Variants in PHF23 observed in about 807,000 individuals in gnomAD.
PHF23 encodes PHD finger protein 23, also known as PDH-containing protein JUNE-1.
A neutral mutation model predicts 36.0 loss-of-function variants in PHF23; 3 were observed. That is an observed-to-expected ratio of 0.08 (90% CI 0.04 to 0.22). The LOEUF (loss-of-function observed/expected upper bound fraction) is 0.22. PHF23 is among the 10% of genes least tolerant of loss of function. PHF23 has a pLI of 1.00. For synonymous variants in PHF23, 242 were observed against 192.5 expected, an observed-to-expected ratio of 1.26 and a Z score of -2.13; for missense variants, 475 against 513.6, an observed-to-expected ratio of 0.92 and a Z score of 0.73.
Position 7,236,524 on chromosome 17 carries a change from C to A in PHF23, c.403G>T (p.Asp135Tyr). ...GGCCCATCCAGATCAAAGAGAGAGT[C>A]CTTGAGCTTCATCTTCTCAAGCAAG... ...ATLLEKMKLKDSLFDLDGPKV... is the reference protein window; with the variant it reads ...ATLLEKMKLKYSLFDLDGPKV... Residue 135 changes from aspartate (D) to tyrosine (Y), a missense_variant, in exon 4 of 5, where the codon GAC (aspartate) becomes TAC (tyrosine). Asp to Tyr is a radical substitution (Grantham distance 160). Transcript: ENST00000320316. This position sits in a 1 kb window ranked among gnomAD's most constrained non-coding sequence, Gnocchi z 5.1. 6.2e-7 allele frequency: 1 copy of A among 1,614,146 alleles called. No homozygotes were observed. The highest frequency in any genetic ancestry group is 2.2e-5 in the East Asian group (1 of 44,880).
chr17:7,239,561 C>T (rs751409413), upstream of PHF23: 3 of 349,788 alleles, frequency 8.6e-6, no homozygotes, highest in African/African-American at 4.4e-5. Flanking sequence ...CCTCCTCCCC[C>T]CGCCGGCGCC....
rs753315496 is a variant in PHF23, at chr17:7,238,788, C to T, written c.34+458G>A. The T allele has an allele frequency of 4.1e-5, 63 of 1,534,730 alleles. No homozygotes were observed. The South Asian group carries it at 6.3e-4, about 15-fold the overall frequency. On this transcript the variant is annotated intron_variant, in intron 1 of 4. Coordinates refer to ENST00000320316, the MANE Select transcript of PHF23 (RefSeq NM_024297.3). ...TCTCCCCACAACTACCTGCCCACCT[C>T]TCCGACAATCACCGGGCATTCTCCG...
At chr17:7,239,531 T>C, upstream of PHF23, 2 of 322,968 alleles carry the variant, frequency 6.2e-6, no homozygotes, top group Non-Finnish European at 1.2e-5. Flanking sequence ...TCCTCTCTCC[T>C]CCCTCCCTCC....
upstream of PHF23, chr17:7,240,438 C>T (rs374845958): frequency 5.9e-6 from 1 of 169,238 alleles, no homozygotes; most frequent in East Asian, 1.8e-4. Context: ...GTGGTTTCCT[C>T]TTTATTGATG....
At chr17:7,239,531 T>A, upstream of PHF23, 1 of 322,970 alleles carries the variant, frequency 3.1e-6, no homozygotes, top group Non-Finnish European at 5.8e-6. Flanking sequence ...TCCTCTCTCC[T>A]CCCTCCCTCC....
chr17:7,238,008 A>C (rs2071710336), intron 1 of PHF23: 1 of 209,060 alleles, frequency 4.8e-6, no homozygotes, highest in Non-Finnish European at 8.5e-6. Context: ...GGCCGCCGCC[A>C]GCCGCCCCCG....
intron 1 of PHF23, chr17:7,238,281 ACCTG>A: frequency 8.3e-5 from 1 of 12,034 alleles, no homozygotes; most frequent in South Asian, 2.9e-3. Context: ...CGCGGCCCCC[ACCTG>A]CCCCCCCCCC....
rs760125372 is a variant in PHF23, at chr17:7,237,448, C to T, written c.96G>A (p.Glu32=). 7.4e-6 allele frequency: 12 copies of T among 1,613,926 alleles called. No individual in the cohort carries two copies. In the African/African-American group the frequency reaches 1.5e-4, roughly 20 times the overall value. Residue 32 remains glutamate (E), a synonymous_variant, in exon 3 of 5, where the codon GAG becomes GAA. Coordinates refer to ENST00000320316, the MANE Select transcript of PHF23 (RefSeq NM_024297.3). ...CAAAACTGCAGAATTTGTTGAAATC[C>T]TCAATTGTTCTCCGCCGTTTCTCTG... ...QPPEKRRRTI[E]DFNKFCSFVL... is the part of the protein sequence containing the mutation.
In PHF23 at chr17:7,239,455, A is replaced by G; in HGVS notation, c.-176T>C. Reference sequence around the variant, plus strand: ...ACCTCCCTCTACCACTGCCTCCCGCACTCCCGGACCGGGCCCCCTCCCCCC... The same window carrying G: ...ACCTCCCTCTACCACTGCCTCCCGCGCTCCCGGACCGGGCCCCCTCCCCCC... On this transcript the variant is annotated 5_prime_UTR_variant, in exon 1 of 5. Transcript: ENST00000320316. 1 of 343,184 alleles carries G rather than the reference A, an allele frequency of 2.9e-6. No homozygotes were observed. Among genetic ancestry groups the G allele is most frequent in the Non-Finnish European group, 5.3e-6 (1 of 188,946 alleles). 21.3% of individuals were successfully genotyped at this position (343,184 alleles called of 1,614,324 possible).
chr17:7,237,849 G>A (rs2071704055), intron 1 of PHF23, 189 bp from the exon 2 acceptor site: 1 of 657,996 alleles, frequency 1.5e-6, no homozygotes, highest in Admixed American at 2.9e-5. Flanking sequence ...GCCTGGGCGC[G>A]GCGCCCTCTG....
At chr17:7,237,352 C>G (rs767545411) in intron 3 of PHF23, 33 bp downstream of exon 3, 1 of 1,555,062 alleles carries the variant, frequency 6.4e-7, no homozygotes, top group South Asian at 1.1e-5. Flanking sequence ...TCCCACCACA[C>G]CAGCCTCAAG....
chr17:7,237,263 C>A (rs2071687343), intron 3 of PHF23, 122 bp downstream of exon 3: 1 of 911,768 alleles, frequency 1.1e-6, no homozygotes, highest in East Asian at 2.4e-5. Context: ...TCTCCAACTT[C>A]CCTGGTCTTA....
At chr17:7,238,817 G>T in intron 1 of PHF23, 3 of 1,533,402 alleles carry the variant, frequency 2.0e-6, no homozygotes, top group Non-Finnish European at 2.6e-6. Flanking sequence ...TTCTCCGGCG[G>T]CAACTACTCG....
chr17:7,236,432 G>A lies in PHF23; in HGVS notation c.495C>T (p.Thr165=). Residue 165 remains threonine (T), a synonymous_variant, in exon 4 of 5, where the codon ACC becomes ACT. Coordinates refer to ENST00000320316, the MANE Select transcript of PHF23 (RefSeq NM_024297.3). The surrounding 1 kb of genome is among the most constrained non-coding windows in gnomAD (Gnocchi z 5.1). ...GGTCCCCCTGGGAAAGGGGCACGGGGGTAAGAGCAGCAGGGGGCCGGGAGG... is the reference window on the plus strand; with the variant it reads ...GGTCCCCCTGGGAAAGGGGCACGGGAGTAAGAGCAGCAGGGGGCCGGGAGG... ...THTSRPPAAL[T]PVPLSQGDLS... The A allele has an allele frequency of 6.2e-7, 1 of 1,613,734 alleles. No homozygotes were observed. The highest frequency in any genetic ancestry group is 8.5e-7 in the Non-Finnish European group (1 of 1,179,942).
chr17:7,239,027 G>A (rs1320274840), intron 1 of PHF23: 4 of 1,397,082 alleles, frequency 2.9e-6, no homozygotes, highest in Non-Finnish European at 3.8e-6. Flanking sequence ...CCTATCCCCC[G>A]CACCCCCACA....
upstream of PHF23, chr17:7,240,167 CATTT>C (rs1320636849): frequency 1.3e-5 from 2 of 152,202 alleles, no homozygotes; most frequent in African/African-American, 4.8e-5. Flanking sequence ...GCATTTTTAA[CATTT>C]AGTTTCACAT....
chr17:7,238,887 C>G, intron 1 of PHF23: 1 of 1,533,722 alleles, frequency 6.5e-7, no homozygotes, highest in East Asian at 2.5e-5. Context: ...GCCCCTCACT[C>G]AGCCTCTTCT....
upstream of PHF23, chr17:7,239,480 C>G (rs1392750314): frequency 1.1e-5 from 5 of 467,554 alleles, no homozygotes; most frequent in South Asian, 2.6e-5. Flanking sequence ...CCCCTCCCCC[C>G]GCGCCGCCGG....
chr17:7,238,649 C>CCTCAGCAACTCCCAGGCTCTTAA, intron 1 of PHF23: 1 of 717,346 alleles, frequency 1.4e-6, no homozygotes, highest in Non-Finnish European at 1.6e-6. Context: ...CCCCCCCCAC[C>CCTCAGCAACTCCCAGGCTCTTAA]CCGCCCCACC....
Sources: gnomAD v4.1 joint callset for allele counts on GRCh38, gnomAD v4.1.1 for gene constraint, Gnocchi (gnomAD v3.1) non-coding constraint, MANE v1.5 for transcripts, NCBI Gene and HGNC (gene_info 2026-07-23, HGNC 2026-07-21) for gene names.